The following HEMK2 variants were observed in gnomAD, a reference collection of about 807,000 sequenced individuals.
The protein encoded by HEMK2 is methyltransferase HEMK2.
the HEMK2 span, among the ~76,000 whole-genome samples, chr21:28,671,480 T>C: frequency 2.0e-5 from 3 of 152,140 alleles, no homozygotes; most frequent in Admixed American, 6.5e-5. Flanking sequence ...GCCTTAGAGG[T>C]GAGCAAAGAC....
At chr21:28,762,914 T>C in the HEMK2 span, among the ~76,000 whole-genome samples, 12,902 of 152,178 alleles carry the variant, frequency 0.085, 765 homozygotes, top group South Asian at 0.16. Flanking sequence ...AAAGATTCAG[T>C]AGGCTTATTA....
At chr21:28,655,144 C>A in the HEMK2 span, among the ~76,000 whole-genome samples, 70 of 151,886 alleles carry the variant, frequency 4.6e-4, no homozygotes, top group Non-Finnish European at 9.4e-4. Context: ...TTTAAAATAC[C>A]CCTCTTTTTC....
the HEMK2 span, among the ~76,000 whole-genome samples, chr21:28,783,672 C>G: frequency 6.6e-6 from 1 of 152,220 alleles, no homozygotes; most frequent in African/African-American, 2.4e-5. Flanking sequence ...AGGAGCCCTT[C>G]GGCCCACTGC....
the HEMK2 span, among the ~76,000 whole-genome samples, chr21:28,804,865 C>A: frequency 6.6e-6 from 1 of 152,288 alleles, no homozygotes; most frequent in East Asian, 1.9e-4. Flanking sequence ...ACACTACATA[C>A]CCTATTCTAG....
the HEMK2 span, among the ~76,000 whole-genome samples, chr21:28,674,083 T>C: frequency 6.6e-6 from 1 of 152,032 alleles, no homozygotes; most frequent in Admixed American, 6.5e-5. Flanking sequence ...CACGCTGCAG[T>C]AAAGAAGCCG....
the HEMK2 span, among the ~76,000 whole-genome samples, chr21:28,675,950 TGCAAGTCCA>T: frequency 6.6e-6 from 1 of 152,202 alleles, no homozygotes; most frequent in Non-Finnish European, 1.5e-5. Context: ...CACTTTCTCT[TGCAAGTCCA>T]GCTGGGCATT....
chr21:28,734,650 C>T, the HEMK2 span, among the ~76,000 whole-genome samples: 2 of 152,298 alleles, frequency 1.3e-5, no homozygotes, highest in East Asian at 3.9e-4. Flanking sequence ...CTTTGATCAG[C>T]TCTGTGACGG....
the HEMK2 span, among the ~76,000 whole-genome samples, chr21:28,722,656 CG>C: frequency 6.6e-6 from 1 of 152,096 alleles, no homozygotes; most frequent in African/African-American, 2.4e-5. Flanking sequence ...CAGAGGCAGG[CG>C]GATGACCTGA....
At chr21:28,845,102 T>G in the HEMK2 span, among the ~76,000 whole-genome samples, 6 of 152,102 alleles carry the variant, frequency 3.9e-5, no homozygotes, top group African/African-American at 1.4e-4. Context: ...ATTTTGACCA[T>G]GTAAGCTTCT....
the HEMK2 span, among the ~76,000 whole-genome samples, chr21:28,845,855 G>T: frequency 3.3e-5 from 5 of 152,106 alleles, no homozygotes; most frequent in African/African-American, 1.2e-4. Context: ...TGGGTAAATT[G>T]TGTGTCATGG....
At chr21:28,866,394 A>G in the HEMK2 span, among the ~76,000 whole-genome samples, 2 of 151,746 alleles carry the variant, frequency 1.3e-5, no homozygotes, top group African/African-American at 2.4e-5. Context: ...GGCTGCAGTG[A>G]GCCAAGATCA....
At chr21:28,832,503 C>T in the HEMK2 span, among the ~76,000 whole-genome samples, 1 of 152,142 alleles carries the variant, frequency 6.6e-6, no homozygotes, top group Non-Finnish European at 1.5e-5. Flanking sequence ...CAGTAGTAAA[C>T]TAACAAATGA....
At chr21:28,696,161 C>A in the HEMK2 span, among the ~76,000 whole-genome samples, 3 of 152,064 alleles carry the variant, frequency 2.0e-5, no homozygotes, top group Non-Finnish European at 2.9e-5. Flanking sequence ...ACCACAAGAA[C>A]AGTTTTGTGG....
chr21:28,673,078 AAG>A, the HEMK2 span, among the ~76,000 whole-genome samples: 198 of 150,538 alleles, frequency 1.3e-3, 1 homozygote, highest in African/African-American at 4.5e-3. Context: ...AAGAGAGAGA[AAG>A]AGAGAGGGAG....
the HEMK2 span, among the ~76,000 whole-genome samples, chr21:28,662,822 C>T: frequency 6.6e-6 from 1 of 152,154 alleles, no homozygotes; most frequent in Non-Finnish European, 1.5e-5. Context: ...AATTAAACTT[C>T]TTTCCTTTAT....
At chr21:28,831,455 A>AAAAGAACGAAAG in the HEMK2 span, among the ~76,000 whole-genome samples, 6 of 57,040 alleles carry the variant, frequency 1.1e-4, no homozygotes, top group East Asian at 1.5e-3. Context: ...AAAAAGAAAG[A>AAAAGAACGAAAG]AAAGAACGAA....
the HEMK2 span, among the ~76,000 whole-genome samples, chr21:28,719,713 G>A: frequency 6.0e-4 from 92 of 152,288 alleles, no homozygotes; most frequent in Non-Finnish European, 1.1e-3. Flanking sequence ...AAGTGACAGG[G>A]TTTGAAGGAA....
chr21:28,769,603 GA>G, the HEMK2 span, among the ~76,000 whole-genome samples: 4 of 152,068 alleles, frequency 2.6e-5, no homozygotes, highest in Non-Finnish European at 5.9e-5. Context: ...TAATCCCTCT[GA>G]ATTTAAGTAT....
chr21:28,871,935 C>G, the HEMK2 span, among the ~76,000 whole-genome samples: 1 of 151,988 alleles, frequency 6.6e-6, no homozygotes, highest in South Asian at 2.1e-4. Context: ...TACAAGGACA[C>G]AAGAGATATT....
Sources: allele counts gnomAD v4.1 joint callset (sites outside exome capture counted in the v4.1 genomes callset), GRCh38; gene constraint gnomAD v4.1.1; transcripts MANE v1.5; gene names NCBI Gene and HGNC (gene_info 2026-07-23, HGNC 2026-07-21).